Variants in PKP2 observed in about 807,000 individuals in gnomAD.
PKP2 encodes the protein plakophilin-2.
Under a neutral mutation model 83.4 loss-of-function variants are expected in PKP2, and 73 were observed. The observed-to-expected ratio is 0.88, with a 90% CI of 0.72 to 1.06. The LOEUF (loss-of-function observed/expected upper bound fraction) is 1.06. Ranked by LOEUF, PKP2 falls within the 50% of genes least tolerant of loss-of-function variation. The pLI, the probability that PKP2 is intolerant of heterozygous loss-of-function variation, is 0.00. For missense variants in PKP2, 966 were observed against 1,065.4 expected (o/e 0.91, Z 1.30); for synonymous variants, 409 against 430.4 (o/e 0.95, Z 0.62).
chr12:32,850,243 C>T (rs1403864233), intron 5 of PKP2, among the ~76,000 whole-genome samples: 1 of 152,066 alleles, frequency 6.6e-6, no homozygotes, highest in East Asian at 1.9e-4. Context: ...GAACATTTTC[C>T]CCTTTAGAAA....
intron 6 of PKP2, 165 bp from the exon 7 acceptor site, chr12:32,824,327 TC>T: frequency 1.5e-6 from 1 of 657,292 alleles, no homozygotes; most frequent in South Asian, 1.7e-5. Context: ...GCTTAATAGA[TC>T]AACTATGAAC....
intron 1 of PKP2, among the ~76,000 whole-genome samples, chr12:32,882,653 T>G (rs1187462984): frequency 6.6e-6 from 1 of 152,242 alleles, no homozygotes; most frequent in South Asian, 2.1e-4. Context: ...TTAAGCCTTT[T>G]TAAAGCAACT....
chr12:32,841,821 C>T (rs1435327465), intron 5 of PKP2, among the ~76,000 whole-genome samples: 1 of 152,180 alleles, frequency 6.6e-6, no homozygotes, highest in Non-Finnish European at 1.5e-5. Flanking sequence ...TCATGTCCTC[C>T]AGCAATTTAT....
chr12:32,882,163 T>G (rs1356229844), intron 1 of PKP2, among the ~76,000 whole-genome samples: 1 of 152,230 alleles, frequency 6.6e-6, no homozygotes. Context: ...TCCAATTTAC[T>G]GTCTTTATAA....
chr12:32,888,758 G>A (rs1368131970), intron 1 of PKP2, among the ~76,000 whole-genome samples: 1 of 149,760 alleles, frequency 6.7e-6, no homozygotes, highest in East Asian at 2.0e-4. Flanking sequence ...CTCCCAAAGT[G>A]CTGGGATTAC....
At chr12:32,819,587 G>C (rs1476546304) in intron 9 of PKP2, among the ~76,000 whole-genome samples, 1 of 152,058 alleles carries the variant, frequency 6.6e-6, no homozygotes, top group Non-Finnish European at 1.5e-5. Context: ...CCAACACAGG[G>C]ATTTGTCTTA....
chr12:32,852,587 C>T (rs1028497249), intron 4 of PKP2, among the ~76,000 whole-genome samples: 2 of 152,174 alleles, frequency 1.3e-5, no homozygotes, highest in Admixed American at 1.3e-4. Context: ...GTTTTACATA[C>T]ATTATCTAAT....
intron 6 of PKP2, among the ~76,000 whole-genome samples, chr12:32,834,074 CTTTAAG>C (rs1956524199): frequency 6.6e-6 from 1 of 152,122 alleles, no homozygotes; most frequent in African/African-American, 2.4e-5. Context: ...TTTAACAGCT[CTTTAAG>C]TTTGACTTTC....
chr12:32,868,681 C>A (rs932110441), intron 4 of PKP2, among the ~76,000 whole-genome samples: 1 of 152,154 alleles, frequency 6.6e-6, no homozygotes, highest in African/African-American at 2.4e-5. Context: ...TGCCACTGCA[C>A]CCAACTAATT....
At chr12:32,895,503 CAGAT>C (rs1957114578) in intron 1 of PKP2, among the ~76,000 whole-genome samples, 1 of 152,208 alleles carries the variant, frequency 6.6e-6, no homozygotes, top group African/African-American at 2.4e-5. Flanking sequence ...TTGCAGGAAA[CAGAT>C]ATTCCAACTT....
chr12:32,805,403 C>A (rs1472230764), intron 9 of PKP2, among the ~76,000 whole-genome samples: 3 of 152,094 alleles, frequency 2.0e-5, no homozygotes, highest in Non-Finnish European at 4.4e-5. Context: ...AATGGTATTG[C>A]CTAGATTTTC....
intron 3 of PKP2, among the ~76,000 whole-genome samples, chr12:32,871,068 C>T (rs1180837647): frequency 1.3e-5 from 2 of 152,068 alleles, no homozygotes; most frequent in Admixed American, 6.6e-5. Flanking sequence ...CTCCATAACA[C>T]GGCATACATT....
intron 10 of PKP2, among the ~76,000 whole-genome samples, chr12:32,801,678 T>C (rs1956180564): frequency 6.6e-6 from 1 of 152,230 alleles, no homozygotes; most frequent in African/African-American, 2.4e-5. Flanking sequence ...AACGACCGAT[T>C]ACAGAGCATT....
At chr12:32,864,710 T>C (rs1055980194) in intron 4 of PKP2, among the ~76,000 whole-genome samples, 1 of 152,208 alleles carries the variant, frequency 6.6e-6, no homozygotes, top group South Asian at 2.1e-4. Flanking sequence ...GCTGAAGTTG[T>C]AGAATAGACA....
rs1207911221 is a variant in PKP2, at chr12:32,872,270, T to C, written c.1035-3208A>G. ...AACTTGGCCGGGCGGTGGTGGCTCA[T>C]ACCTGTAATTCCAGCACTTTGGGAG... On this transcript the variant is annotated intron_variant, in intron 3 of 12. Coordinates refer to ENST00000340811, the MANE Select transcript of PKP2 (RefSeq NM_001005242.3). Among the ~76,000 whole-genome samples the C allele has an allele frequency of 4.6e-5, 7 of 152,214 alleles. No individual in the cohort carries two copies. In the East Asian group the frequency reaches 1.4e-3, roughly 29 times the overall value.
chr12:32,870,235 C>T (rs1436274621), intron 3 of PKP2, among the ~76,000 whole-genome samples: 1 of 152,014 alleles, frequency 6.6e-6, no homozygotes, highest in African/African-American at 2.4e-5. Context: ...TTAGGCTAAC[C>T]CATGAATACA....
chr12:32,798,478 T>C, intron 10 of PKP2, among the ~76,000 whole-genome samples: 1 of 126,234 alleles, frequency 7.9e-6, no homozygotes, highest in Non-Finnish European at 1.6e-5. Flanking sequence ...GAGTTTGGCT[T>C]TTTTTTTTTG....
At chr12:32,865,057 A>G (rs984536429) in intron 4 of PKP2, among the ~76,000 whole-genome samples, 3 of 152,192 alleles carry the variant, frequency 2.0e-5, no homozygotes, top group Admixed American at 2.0e-4. Flanking sequence ...AGGAAATAAT[A>G]CTTGGGAATA....
intron 5 of PKP2, among the ~76,000 whole-genome samples, chr12:32,849,255 C>T (rs1255811417): frequency 6.6e-6 from 1 of 152,132 alleles, no homozygotes; most frequent in Non-Finnish European, 1.5e-5. Context: ...ACTCTGTTGC[C>T]CAGGCTGGAG....
Sources: allele counts gnomAD v4.1 joint callset (sites outside exome capture counted in the v4.1 genomes callset), GRCh38; gene constraint gnomAD v4.1.1; transcripts MANE v1.5; gene names NCBI Gene and HGNC (gene_info 2026-07-23, HGNC 2026-07-21).